UFSP2: variants seen among roughly 807,000 people sequenced by gnomAD.
UFSP2 encodes the protein ufm1-specific protease 2.
Under a neutral mutation model 60.2 loss-of-function variants are expected in UFSP2, and 43 were observed. The ratio of observed to expected loss-of-function variants is 0.71; its 90% CI spans 0.56 to 0.92. The LOEUF is 0.92. Among genes scored for constraint, UFSP2 ranks in the 40% least tolerant of loss-of-function variants. UFSP2 has a pLI of 0.00. For missense variants in UFSP2, 520 were observed against 575.0 expected (o/e 0.90, Z 0.98); for synonymous variants, 183 against 195.1 (o/e 0.94, Z 0.52).
rs777499366 is a variant in UFSP2 at position 185,408,035 on chromosome 4, G to A, written c.1022C>T (p.Pro341Leu). Residue 341 changes from proline to leucine, a missense_variant, in exon 9 of 12, where the codon CCA (proline) becomes CTA (leucine). Pro to Leu is a moderately conservative substitution (Grantham distance 98). Coordinates refer to ENST00000264689, the MANE Select transcript of UFSP2 (RefSeq NM_018359.5). ...TTGCCGCGATCCGACAAATGTTGCT[G>A]GTTTGTCCCCGGCATCGACTAGAGC... The part of the protein sequence containing the change: ...QQALVDAGDK[P>L]ATFVGSRQWI... 4.3e-6 allele frequency: 7 copies of A among 1,613,612 alleles called. No homozygotes were observed. In the Admixed American group the frequency reaches 1.0e-4, roughly 23 times the overall value.
At chr4:185,403,706 C>A in intron 10 of UFSP2, 88 bp from the exon 11 acceptor site, 3 of 1,496,296 alleles carry the variant, frequency 2.0e-6, no homozygotes, top group South Asian at 1.3e-5. Flanking sequence ...TACGGCCGGG[C>A]GTGGTGGCTC....
intron 10 of UFSP2, 98 bp downstream of exon 10, chr4:185,405,682 T>G: frequency 7.2e-7 from 1 of 1,392,634 alleles, no homozygotes. Context: ...TTTCAAAATT[T>G]TTTAAATGAC....
At chr4:185,424,178 G>T (rs1288322137) in intron 1 of UFSP2, among the ~76,000 whole-genome samples, 2 of 150,780 alleles carry the variant, frequency 1.3e-5, no homozygotes, top group Admixed American at 1.3e-4. Context: ...GTGGTGGTCT[G>T]CACCTGTAGT....
chr4:185,410,574 G>A (rs2095527448), intron 7 of UFSP2, among the ~76,000 whole-genome samples: 1 of 152,012 alleles, frequency 6.6e-6, no homozygotes, highest in South Asian at 2.1e-4. Context: ...CCTGAACCAG[G>A]GAGGCAGAGG....
At chr4:185,418,868 A>G (rs1265945277) in intron 2 of UFSP2, 98 bp from the exon 3 acceptor site, 1 of 917,310 alleles carries the variant, frequency 1.1e-6, no homozygotes, top group East Asian at 2.8e-5. Context: ...AAAACTCTCA[A>G]TACCTATTCC....
chr4:185,399,687 C>G lies in UFSP2; in HGVS notation c.*705G>C. The G allele has an allele frequency of 6.2e-7, 1 of 1,614,110 alleles. No homozygotes were observed. Among genetic ancestry groups the G allele is most frequent in the Non-Finnish European group, 8.5e-7 (1 of 1,180,032 alleles). ...TGCAGACAATAAAAGCAAGTGAACA[C>G]CCTGACAGGAATGATTGTGTTGCCG... On this transcript the variant is annotated 3_prime_UTR_variant, in exon 12 of 12. Transcript: ENST00000264689.
At chr4:185,421,227 A>G (rs2095548785) in intron 2 of UFSP2, among the ~76,000 whole-genome samples, 1 of 152,184 alleles carries the variant, frequency 6.6e-6, no homozygotes, top group African/African-American at 2.4e-5. Context: ...AGTTGAAGGG[A>G]TGGGTGGAAA....
chr4:185,418,849 G>A, intron 2 of UFSP2, 79 bp from the exon 3 acceptor site: 1 of 1,160,840 alleles, frequency 8.6e-7, no homozygotes, highest in Admixed American at 3.1e-5. Flanking sequence ...CACAAAAGTA[G>A]AGCATAGTAA....
chr4:185,406,090 C>A, intron 9 of UFSP2: 1 of 721,918 alleles, frequency 1.4e-6, no homozygotes, highest in Non-Finnish European at 2.1e-6. Context: ...GCTAAAAGAC[C>A]TTGATTTTCT....
intron 3 of UFSP2, 30 bp downstream of exon 3, chr4:185,418,557 A>G (rs1490118212): frequency 6.2e-7 from 1 of 1,610,788 alleles, no homozygotes; most frequent in Non-Finnish European, 8.5e-7. Context: ...TGTTTTGAAA[A>G]CATTTCTAGA....
chr4:185,416,630 A>G (rs1267437930), intron 4 of UFSP2, among the ~76,000 whole-genome samples: 1 of 152,126 alleles, frequency 6.6e-6, no homozygotes, highest in African/African-American at 2.4e-5. Flanking sequence ...ATAGTATAAA[A>G]GTATAAAAGT....
chr4:185,418,013 C>T (rs1015309303), intron 4 of UFSP2, among the ~76,000 whole-genome samples: 4 of 128,540 alleles, frequency 3.1e-5, no homozygotes, highest in Non-Finnish European at 6.4e-5. Flanking sequence ...CACTGCACTC[C>T]AGCCTGGGTA....
intron 9 of UFSP2, 110 bp downstream of exon 9, chr4:185,407,826 G>C (rs2095523034): frequency 1.7e-6 from 2 of 1,205,916 alleles, no homozygotes; most frequent in South Asian, 3.6e-5. Flanking sequence ...AAGGAAGAAG[G>C]AAAAGGAATA....
In UFSP2 at chr4:185,400,113, T is replaced by G; in HGVS notation, c.*279A>C. The G allele has an allele frequency of 6.6e-6, 8 of 1,208,646 alleles. No homozygotes were observed. The South Asian group carries it at 1.1e-4, about 16-fold the overall frequency. 74.9% of individuals were successfully genotyped at this position (1,208,646 alleles called of 1,614,324 possible). On this transcript the variant is annotated 3_prime_UTR_variant, in exon 12 of 12. Transcript: ENST00000264689. ...GCTTTACCATATGTTGTGTCTAATC[T>G]CCTTCTGAGAAGGACGAAAAACTTT...
chr4:185,422,149 T>C (rs1313367402), intron 2 of UFSP2, among the ~76,000 whole-genome samples: 1 of 152,248 alleles, frequency 6.6e-6, no homozygotes, highest in Non-Finnish European at 1.5e-5. Flanking sequence ...GACTCAGGAT[T>C]GTACATACAC....
intron 2 of UFSP2, among the ~76,000 whole-genome samples, chr4:185,420,602 T>C (rs551724308): frequency 6.6e-6 from 1 of 152,336 alleles, no homozygotes; most frequent in South Asian, 2.1e-4. Flanking sequence ...TTAAAATATT[T>C]TGATATGTTT....
chr4:185,418,520 TACAC>T lies in UFSP2; in HGVS notation c.267-17_267-14del, dbSNP rs775446371. 1 of 1,609,742 alleles carries T rather than the reference TACAC, an allele frequency of 6.2e-7. No individual in the cohort carries two copies. The highest frequency in any genetic ancestry group is 8.5e-7 in the Non-Finnish European group (1 of 1,178,392). ...TTCTGGCTCAAATCTAAATTTTTAA[TACAC>T]AGACATTTATAATATGAAATGATGT... On this transcript the variant is annotated splice_polypyrimidine_tract_variant and intron_variant, in intron 3 of 11. Coordinates refer to ENST00000264689, the MANE Select transcript of UFSP2 (RefSeq NM_018359.5).
intron 1 of UFSP2, 38 bp downstream of exon 1, chr4:185,425,828 G>T (rs200276174): frequency 1.0e-5 from 16 of 1,598,048 alleles, no homozygotes; most frequent in East Asian, 9.1e-5. Context: ...AAAGTCCGGG[G>T]AAAAACACAG....
intron 5 of UFSP2, 114 bp from the exon 6 acceptor site, chr4:185,415,461 C>T (rs1426324114): frequency 2.1e-6 from 2 of 941,998 alleles, no homozygotes; most frequent in Non-Finnish European, 3.0e-6. Flanking sequence ...ACCAGGTTTG[C>T]TAAAGGAAGT....
Sources: gnomAD v4.1 joint callset for allele counts (sites outside exome capture counted in the v4.1 genomes callset) on GRCh38, gnomAD v4.1.1 for gene constraint, MANE v1.5 for transcripts, NCBI Gene and HGNC (gene_info 2026-07-23, HGNC 2026-07-21) for gene names.